KANK1: variants seen among roughly 807,000 people sequenced by gnomAD.
The protein encoded by KANK1 is KN motif and ankyrin repeat domain-containing protein 1.
In KANK1, 109 loss-of-function variants were observed where a neutral mutation model predicts 106.2. That is an observed-to-expected ratio of 1.03 (90% CI 0.88 to 1.20). The LOEUF (loss-of-function observed/expected upper bound fraction) is 1.20, where lower values mean the gene tolerates loss of function less well. Ranked by LOEUF, KANK1 falls within the 50% of genes most tolerant of loss-of-function variation. KANK1 has a pLI of 0.00. For synonymous variants in KANK1, 873 were observed against 652.2 expected, an observed-to-expected ratio of 1.34 and a Z score of -5.16; for missense variants, 2,399 against 1,710.7, an observed-to-expected ratio of 1.40 and a Z score of -7.10.
chr9:734,923 T>A, intron 7 of KANK1, 88 bp downstream of exon 7: 1 of 918,972 alleles, frequency 1.1e-6, no homozygotes, highest in Non-Finnish European at 1.8e-6. Context: ...CTGCCCGAGC[T>A]GTTGCTTGCA....
chr9:679,080 C>G (rs1178628972), intron 2 of KANK1, among the ~76,000 whole-genome samples: 2 of 152,090 alleles, frequency 1.3e-5, no homozygotes, highest in African/African-American at 4.8e-5. Context: ...TCCTTCCCAC[C>G]TGGTATCCTG....
At chr9:700,976 G>C (rs1340722051) in intron 2 of KANK1, among the ~76,000 whole-genome samples, 2 of 152,148 alleles carry the variant, frequency 1.3e-5, no homozygotes, top group Non-Finnish European at 2.9e-5. Context: ...AGTGCTTTTT[G>C]CTCATATTAA....
At chr9:688,421 C>T (rs902318769) in intron 2 of KANK1, among the ~76,000 whole-genome samples, 6 of 152,150 alleles carry the variant, frequency 3.9e-5, no homozygotes, top group South Asian at 2.1e-4. Context: ...GCCTGGCCAA[C>T]GGGGTGAAAC....
chr9:513,172 C>G (rs1042636247), intron 1 of KANK1, among the ~76,000 whole-genome samples: 64 of 152,074 alleles, frequency 4.2e-4, no homozygotes, highest in Admixed American at 4.2e-3. Context: ...TATTTTTTCT[C>G]TTTGGCTTTT....
intron 1 of KANK1, among the ~76,000 whole-genome samples, chr9:586,917 A>G (rs1427055108): frequency 1.3e-5 from 2 of 152,236 alleles, no homozygotes; most frequent in African/African-American, 4.8e-5. Context: ...AATGCGTAGC[A>G]GTCTCTAGTA....
intron 2 of KANK1, chr9:684,125 C>T (rs564989016): frequency 2.0e-6 from 2 of 976,870 alleles, no homozygotes; most frequent in South Asian, 9.5e-5. Context: ...GTTTCATAAA[C>T]TCTTAAGGCT....
At position 597,493 on chromosome 9, in the gene KANK1, C is replaced by T. The variant is rs201846067; in HGVS notation, c.-83-79397C>T. Among the ~76,000 whole-genome samples the T allele has an allele frequency of 5.3e-5, 8 of 151,544 alleles. No homozygotes were observed. The South Asian group carries it at 1.2e-3, about 24-fold the overall frequency. ...TTTATCTTTCCATGTACACATTGGC[C>T]ATTTGTATATCTTCTTTGGAGACAT... On this transcript the variant is annotated intron_variant, in intron 1 of 11. Transcript: ENST00000382297.
intron 6 of KANK1, chr9:733,088 G>A (rs1029490464): frequency 6.5e-6 from 1 of 153,226 alleles, no homozygotes; most frequent in Non-Finnish European, 1.5e-5. Context: ...TTACATGTTT[G>A]TATTTTGTTA....
chr9:519,991 A>G (rs1045670891), intron 1 of KANK1, among the ~76,000 whole-genome samples: 6 of 151,814 alleles, frequency 4.0e-5, no homozygotes, highest in African/African-American at 1.5e-4. Context: ...TTTAATTTCT[A>G]GACTTAATGA....
chr9:707,483 T>G (rs1362732689), intron 2 of KANK1, among the ~76,000 whole-genome samples: 1 of 151,364 alleles, frequency 6.6e-6, no homozygotes, highest in African/African-American at 2.4e-5. Context: ...CAGACAGTCC[T>G]GGAGACAGGT....
intron 6 of KANK1, chr9:733,237 A>AAAAT (rs1412112783): frequency 6.6e-6 from 1 of 152,268 alleles, no homozygotes; most frequent in African/African-American, 2.4e-5. Flanking sequence ...TGATGCTCAT[A>AAAAT]AAATAGAGAG....
chr9:508,488 A>G (rs1317608889), intron 1 of KANK1, among the ~76,000 whole-genome samples: 1 of 152,218 alleles, frequency 6.6e-6, no homozygotes, highest in African/African-American at 2.4e-5. Context: ...CAAAGTGAAC[A>G]TAAACATATA....
intron 1 of KANK1, among the ~76,000 whole-genome samples, chr9:534,660 G>T (rs959985657): frequency 3.3e-5 from 5 of 152,134 alleles, no homozygotes; most frequent in African/African-American, 1.2e-4. Context: ...TTCATCCTGG[G>T]GAATGAATTA....
At chr9:507,618 G>A (rs1179378668) in intron 1 of KANK1, among the ~76,000 whole-genome samples, 6 of 145,018 alleles carry the variant, frequency 4.1e-5, no homozygotes, top group Non-Finnish European at 6.0e-5. Context: ...GTGCAGTGGC[G>A]CGATCTCAGC....
chr9:514,769 G>C (rs2059205982), intron 1 of KANK1, among the ~76,000 whole-genome samples: 1 of 151,668 alleles, frequency 6.6e-6, no homozygotes, highest in South Asian at 2.1e-4. Context: ...TGTATTTTCT[G>C]GTGAATATAG....
chr9:656,564 C>T (rs914519371), intron 1 of KANK1, among the ~76,000 whole-genome samples: 4 of 152,072 alleles, frequency 2.6e-5, no homozygotes, highest in Admixed American at 6.5e-5. Flanking sequence ...AGAATGGGAT[C>T]AGGCTTTTTC....
At chr9:524,241 C>T (rs966645431) in intron 1 of KANK1, among the ~76,000 whole-genome samples, 3 of 151,636 alleles carry the variant, frequency 2.0e-5, no homozygotes, top group South Asian at 4.2e-4. Flanking sequence ...GTAATACAAC[C>T]CTTCCCTTCC....
At chr9:537,661 A>G (rs191064541) in intron 1 of KANK1, among the ~76,000 whole-genome samples, 52 of 152,114 alleles carry the variant, frequency 3.4e-4, no homozygotes, top group African/African-American at 1.1e-3. Context: ...CGGAGCAGTG[A>G]TTCTCAACAG....
At chr9:703,810 C>G (rs1327333694) in intron 2 of KANK1, among the ~76,000 whole-genome samples, 1 of 151,916 alleles carries the variant, frequency 6.6e-6, no homozygotes, top group African/African-American at 2.4e-5. Context: ...CTCTCTGGTT[C>G]AAGCAATTCC....
Sources: gnomAD v4.1 joint callset for allele counts (sites outside exome capture counted in the v4.1 genomes callset) on GRCh38, gnomAD v4.1.1 for gene constraint, MANE v1.5 for transcripts, NCBI Gene and HGNC (gene_info 2026-07-23, HGNC 2026-07-21) for gene names.